Variants in HPSE2 observed in about 807,000 individuals in gnomAD.
The protein encoded by HPSE2 is heparanase 2 (inactive), also known as inactive heparanase-2.
HPSE2 carries 38 observed loss-of-function variants against 60.5 expected under a neutral mutation model. That is an observed-to-expected ratio of 0.63 (90% CI 0.48 to 0.82). The LOEUF is 0.82. HPSE2 is among the 40% of genes least tolerant of loss of function. The pLI is 0.00. For synonymous variants in HPSE2, 295 were observed against 293.2 expected, an observed-to-expected ratio of 1.01 and a Z score of -0.06; for missense variants, 713 against 740.4, an observed-to-expected ratio of 0.96 and a Z score of 0.43.
chr10:98,688,465 CTTT>C (rs562095149), intron 6 of HPSE2, among the ~76,000 whole-genome samples: 1 of 103,858 alleles, frequency 9.6e-6, no homozygotes, highest in Admixed American at 1.3e-4. Context: ...TTTAGCATTT[CTTT>C]TTTTTTTTCT....
chr10:98,849,193 T>G (rs1025614203), intron 3 of HPSE2, among the ~76,000 whole-genome samples: 1 of 152,094 alleles, frequency 6.6e-6, no homozygotes, highest in African/African-American at 2.4e-5. Context: ...GAAAAAGAAT[T>G]AGTAACATGA....
chr10:98,725,901 G>T (rs1241981635), intron 4 of HPSE2, among the ~76,000 whole-genome samples: 1 of 152,130 alleles, frequency 6.6e-6, no homozygotes, highest in Non-Finnish European at 1.5e-5. Context: ...ACCATCACTG[G>T]CCATCAGAGA....
chr10:98,701,748 A>G (rs1198712649), intron 5 of HPSE2, among the ~76,000 whole-genome samples: 3 of 152,148 alleles, frequency 2.0e-5, no homozygotes, highest in Non-Finnish European at 2.9e-5. Flanking sequence ...ATTTCCAGAC[A>G]AGCAAATGCT....
chr10:99,200,632 C>T (rs1848544354), intron 2 of HPSE2, among the ~76,000 whole-genome samples: 1 of 151,490 alleles, frequency 6.6e-6, no homozygotes, highest in Non-Finnish European at 1.5e-5. Flanking sequence ...AATACAATGC[C>T]TGGTTCATAT....
chr10:99,243,177 C>A, the HPSE2 span, among the ~76,000 whole-genome samples: 7 of 151,898 alleles, frequency 4.6e-5, no homozygotes, highest in Non-Finnish European at 8.8e-5. Context: ...CTCCATGAAA[C>A]CCTGTCTCTA....
intron 11 of HPSE2, among the ~76,000 whole-genome samples, chr10:98,464,226 T>A (rs1482191493): frequency 6.6e-6 from 1 of 152,222 alleles, no homozygotes; most frequent in South Asian, 2.1e-4. Flanking sequence ...CCCAATAGAT[T>A]TTTTTTGGGG....
chr10:98,614,780 G>T, intron 9 of HPSE2, 124 bp downstream of exon 9: 1 of 760,326 alleles, frequency 1.3e-6, no homozygotes. Context: ...GAATGTTTCT[G>T]TTCAATGAAT....
At chr10:99,200,847 G>C (rs1848552136) in intron 2 of HPSE2, among the ~76,000 whole-genome samples, 2 of 152,036 alleles carry the variant, frequency 1.3e-5, no homozygotes, top group Non-Finnish European at 2.9e-5. Flanking sequence ...TGTCACACTG[G>C]TATGTCATAT....
chr10:98,638,137 C>CAA (rs34364786), intron 7 of HPSE2, among the ~76,000 whole-genome samples: 3,186 of 14,696 alleles, frequency 0.22, 736 homozygotes, highest in East Asian at 0.3. Flanking sequence ...AGACCCATCT[C>CAA]AAAAAAAAAA....
chr10:98,571,714 A>C (rs1045206221), intron 9 of HPSE2, among the ~76,000 whole-genome samples: 2 of 152,204 alleles, frequency 1.3e-5, no homozygotes, highest in African/African-American at 2.4e-5. Context: ...AATTGTGAGC[A>C]GAAATGAAGG....
chr10:99,145,511 G>T (rs768399288), intron 2 of HPSE2, among the ~76,000 whole-genome samples: 2 of 151,322 alleles, frequency 1.3e-5, no homozygotes, highest in Admixed American at 6.6e-5. Flanking sequence ...AAGCTCTTAT[G>T]CCCTAAAGTT....
intron 3 of HPSE2, among the ~76,000 whole-genome samples, chr10:98,946,777 A>G (rs1159181289): frequency 6.6e-6 from 1 of 152,140 alleles, no homozygotes; most frequent in African/African-American, 2.4e-5. Context: ...CATAAAATTA[A>G]CTAGTATCTA....
the HPSE2 span, among the ~76,000 whole-genome samples, chr10:99,281,169 CTT>C: frequency 6.7e-6 from 1 of 149,522 alleles, no homozygotes; most frequent in Non-Finnish European, 1.5e-5. Flanking sequence ...TAAACAATAA[CTT>C]ATTAATATTA....
intron 2 of HPSE2, among the ~76,000 whole-genome samples, chr10:99,231,488 G>A (rs2133949471): frequency 6.6e-6 from 1 of 152,116 alleles, no homozygotes; most frequent in Non-Finnish European, 1.5e-5. Context: ...CACTTAAACA[G>A]GAAGTTCATA....
At chr10:99,303,891 A>G in the HPSE2 span, among the ~76,000 whole-genome samples, 1 of 152,214 alleles carries the variant, frequency 6.6e-6, no homozygotes, top group South Asian at 2.1e-4. Context: ...TGTATTCTAG[A>G]TTACAACCGT....
At chr10:98,975,449 A>G (rs1203247775) in intron 3 of HPSE2, among the ~76,000 whole-genome samples, 1 of 151,900 alleles carries the variant, frequency 6.6e-6, no homozygotes, top group East Asian at 1.9e-4. Context: ...ATATGGATGG[A>G]AGACACAATA....
At chr10:99,058,844 T>C (rs1443334070) in intron 3 of HPSE2, among the ~76,000 whole-genome samples, 3 of 151,984 alleles carry the variant, frequency 2.0e-5, no homozygotes, top group African/African-American at 7.2e-5. Context: ...AGGGAAGAAA[T>C]AAAAGGTAAC....
chr10:98,541,315 T>C (rs891188495), intron 9 of HPSE2, among the ~76,000 whole-genome samples: 2 of 151,582 alleles, frequency 1.3e-5, no homozygotes, highest in African/African-American at 4.8e-5. Flanking sequence ...ACAAACCACT[T>C]AAAAAAAAAC....
intron 6 of HPSE2, among the ~76,000 whole-genome samples, chr10:98,671,029 TAAA>T (rs1271860095): frequency 6.6e-6 from 1 of 152,214 alleles, no homozygotes; most frequent in Non-Finnish European, 1.5e-5. Context: ...GTGTTGGTGT[TAAA>T]AAAATTTTGG....
Sources: gnomAD v4.1 joint callset for allele counts (sites outside exome capture counted in the v4.1 genomes callset) on GRCh38, gnomAD v4.1.1 for gene constraint, MANE v1.5 for transcripts, NCBI Gene and HGNC (gene_info 2026-07-23, HGNC 2026-07-21) for gene names.